WWC2: variants seen among roughly 807,000 people sequenced by gnomAD.
WWC2 encodes WW and C2 domain containing 2, also known as protein WWC2.
In WWC2, 101 loss-of-function variants were observed where a neutral mutation model predicts 138.5. The observed-to-expected ratio is 0.73, with a 90% CI of 0.62 to 0.86. The LOEUF is 0.86. Ranked by LOEUF, WWC2 falls within the 40% of genes least tolerant of loss-of-function variation. WWC2 has a pLI of 0.00. For synonymous variants in WWC2, 558 were observed against 538.4 expected, an observed-to-expected ratio of 1.04 and a Z score of -0.50; for missense variants, 1,420 against 1,419.4, an observed-to-expected ratio of 1.00 and a Z score of -0.01.
intron 9 of WWC2, among the ~76,000 whole-genome samples, chr4:183,256,928 C>T (rs1427851830): frequency 7.0e-6 from 1 of 142,642 alleles, no homozygotes; most frequent in Non-Finnish European, 1.5e-5. Flanking sequence ...CCCCACAGGG[C>T]TGCAGTGTCG....
rs374144471 is a variant in WWC2, at chr4:183,261,453, A to G, written c.1830A>G (p.Ser610=). Residue 610 remains serine, a synonymous_variant, in exon 11 of 23, where the codon TCA becomes TCG. Transcript: ENST00000403733. ...ATCAGATTTTGCTGGATTCTGATTC[A>G]GGAGGAGCCTCCCAGTCTCTTTCAG... ...IENQILLDSD[S]GGASQSLSED... is the part of the protein sequence containing the mutation. 1 of 1,612,560 alleles carries G rather than the reference A, an allele frequency of 6.2e-7. No homozygotes were observed. The highest frequency in any genetic ancestry group is 8.5e-7 in the Non-Finnish European group (1 of 1,179,260).
At chr4:183,287,859 A>G (rs1410628404) in intron 20 of WWC2, among the ~76,000 whole-genome samples, 1 of 152,200 alleles carries the variant, frequency 6.6e-6, no homozygotes, top group African/African-American at 2.4e-5. Context: ...TGACAGTGAC[A>G]TCACAGTCAT....
At chr4:183,167,662 G>A (rs1167538238) in intron 1 of WWC2, among the ~76,000 whole-genome samples, 4 of 151,938 alleles carry the variant, frequency 2.6e-5, no homozygotes, top group Non-Finnish European at 5.9e-5. Context: ...AAAGATAAAT[G>A]GCATAAACAA....
rs1160230135 is a variant in WWC2 at position 183,099,365 on chromosome 4, C to T, written c.-127C>T. The T allele has an allele frequency of 2.0e-5, 20 of 1,013,276 alleles. No individual in the cohort carries two copies. The highest frequency in any genetic ancestry group is 4.0e-4 in the Middle Eastern group (1 of 2,492). The allele number at this position is 1,013,276 out of a possible 1,614,324, so 62.8% of individuals were successfully genotyped here. On this transcript the variant is annotated 5_prime_UTR_variant, in exon 1 of 23. Transcript: ENST00000403733. ...CGCGTGGTTCCGCCGCGCCCCGCGC[C>T]CTGCGCCCCTCAGCCCCTCGCCGGC...
chr4:183,239,320 AAAAC>A lies in WWC2; in HGVS notation c.523-852_523-849del, dbSNP rs1440009582. ...CAGAGCAAGACTCTGTCTCAAAAAAAAAACAAACAAACAACAGAAAAAAACTTAA... is the reference window on the plus strand; with the variant it reads ...CAGAGCAAGACTCTGTCTCAAAAAAAAAACAAACAACAGAAAAAAACTTAA... On this transcript the variant is annotated intron_variant, in intron 4 of 22. Coordinates refer to ENST00000403733, the MANE Select transcript of WWC2 (RefSeq NM_024949.6). Among the ~76,000 whole-genome samples the A allele has an allele frequency of 2.4e-4, 36 of 152,240 alleles. 1 individual carries two copies. The South Asian group carries it at 2.7e-3, about 11-fold the overall frequency.
intron 1 of WWC2, among the ~76,000 whole-genome samples, chr4:183,108,536 G>A (rs754282167): frequency 2.0e-5 from 3 of 152,160 alleles, no homozygotes; most frequent in Non-Finnish European, 2.9e-5. Flanking sequence ...TGTCCCAGGG[G>A]TGGAGGAGTC....
chr4:183,194,889 A>G (rs1735092085), intron 2 of WWC2, among the ~76,000 whole-genome samples: 1 of 152,270 alleles, frequency 6.6e-6, no homozygotes, highest in South Asian at 2.1e-4. Context: ...TACAAATAAT[A>G]GTTTCTACAA....
chr4:183,245,317 A>G, intron 5 of WWC2, 99 bp from the exon 6 acceptor site: 1 of 1,112,478 alleles, frequency 9.0e-7, no homozygotes, highest in Non-Finnish European at 1.2e-6. Context: ...CAGTGAAATA[A>G]TCATCCAACT....
At chr4:183,243,736 ACTGTGTGTGTGT>A (rs1209136199) in intron 5 of WWC2, among the ~76,000 whole-genome samples, 23 of 115,302 alleles carry the variant, frequency 2.0e-4, no homozygotes, top group African/African-American at 6.5e-4. Flanking sequence ...CATTCTAAAC[ACTGTGTGTGTGT>A]GTGTGTGTGT....
At chr4:183,176,279 T>C (rs1481940939) in intron 1 of WWC2, among the ~76,000 whole-genome samples, 1 of 152,180 alleles carries the variant, frequency 6.6e-6, no homozygotes, top group Non-Finnish European at 1.5e-5. Context: ...GGCATGTTAG[T>C]ACCATTCTTT....
intron 2 of WWC2, among the ~76,000 whole-genome samples, chr4:183,197,357 A>G (rs1032915725): frequency 6.6e-6 from 1 of 152,208 alleles, no homozygotes; most frequent in Non-Finnish European, 1.5e-5. Context: ...TAGGAAGCAA[A>G]TGGTATTATC....
In WWC2 at chr4:183,280,435, A is replaced by G. The variant is rs1382088548; in HGVS notation, c.2563-341A>G. On this transcript the variant is annotated intron_variant, in intron 16 of 22. Coordinates refer to ENST00000403733, the MANE Select transcript of WWC2 (RefSeq NM_024949.6). Reference sequence around the variant, plus strand: ...GTCTTCATATCCTACTGACACTGCCACTGTTCTAGGCAGCCACAGTCTGTT... The same window carrying G: ...GTCTTCATATCCTACTGACACTGCCGCTGTTCTAGGCAGCCACAGTCTGTT... 2.0e-5 allele frequency among the ~76,000 whole-genome samples: 3 copies of G among 151,980 alleles called. 1 individual carries two copies. The highest frequency in any genetic ancestry group is 7.2e-5 in the African/African-American group (3 of 41,394).
chr4:183,135,605 G>A (rs1561430851), intron 1 of WWC2, among the ~76,000 whole-genome samples: 1 of 152,014 alleles, frequency 6.6e-6, no homozygotes, highest in South Asian at 2.1e-4. Flanking sequence ...GGACAAAAGA[G>A]CATTAATGTT....
chr4:183,134,273 G>A (rs1368876714), intron 1 of WWC2, among the ~76,000 whole-genome samples: 5 of 149,020 alleles, frequency 3.4e-5, no homozygotes, highest in African/African-American at 9.8e-5. Context: ...ATTATTTTCT[G>A]TGCCTATTAT....
At chr4:183,153,572 C>T (rs752885426) in intron 1 of WWC2, among the ~76,000 whole-genome samples, 6 of 151,102 alleles carry the variant, frequency 4.0e-5, no homozygotes, top group African/African-American at 1.2e-4. Context: ...AATATTCATA[C>T]GATACTAATG....
chr4:183,197,287 C>T (rs924136804), intron 2 of WWC2, among the ~76,000 whole-genome samples: 3 of 152,218 alleles, frequency 2.0e-5, no homozygotes, highest in Non-Finnish European at 4.4e-5. Context: ...ACAGTTCACC[C>T]ACTGAAAACG....
At chr4:183,135,812 ATTT>A (rs1167373577) in intron 1 of WWC2, among the ~76,000 whole-genome samples, 1 of 152,026 alleles carries the variant, frequency 6.6e-6, no homozygotes, top group Non-Finnish European at 1.5e-5. Context: ...TTTTTGACAG[ATTT>A]TTTGCTAAAT....
At position 183,320,273 on chromosome 4, in the gene WWC2, AAAG is replaced by A. The variant is rs1470377057; in HGVS notation, c.*4548_*4550del. 13 of 1,484,442 alleles carry A rather than the reference AAAG, an allele frequency of 8.8e-6. No individual in the cohort carries two copies. Among genetic ancestry groups the A allele is most frequent in the African/African-American group, 2.8e-5 (2 of 71,190 alleles). The allele number at this position is 1,484,442 out of a possible 1,614,324, so 92.0% of individuals were successfully genotyped here. On this transcript the variant is annotated 3_prime_UTR_variant, in exon 23 of 23. Coordinates refer to ENST00000403733, the MANE Select transcript of WWC2 (RefSeq NM_024949.6). ...AACTCCTGCCCTTCGGTTGCTGTGAAAAGAAGTGTGACACTTGTGTTATAACTT... is the reference window on the plus strand; with the variant it reads ...AACTCCTGCCCTTCGGTTGCTGTGAAAAGTGTGACACTTGTGTTATAACTT...
intron 6 of WWC2, among the ~76,000 whole-genome samples, chr4:183,245,760 T>C (rs1248389509): frequency 6.6e-6 from 1 of 152,124 alleles, no homozygotes; most frequent in African/African-American, 2.4e-5. Flanking sequence ...TATGCTTCGT[T>C]GTAAGCAGCC....
Sources: gnomAD v4.1 joint callset for allele counts (sites outside exome capture counted in the v4.1 genomes callset) on GRCh38, gnomAD v4.1.1 for gene constraint, MANE v1.5 for transcripts, NCBI Gene and HGNC (gene_info 2026-07-23, HGNC 2026-07-21) for gene names.